HIBADH: variants seen among roughly 807,000 people sequenced by gnomAD.
HIBADH encodes 3-hydroxyisobutyrate dehydrogenase, mitochondrial.
Under a neutral mutation model 36.1 loss-of-function variants are expected in HIBADH, and 25 were observed. That is an observed-to-expected ratio of 0.69 (90% CI 0.50 to 0.97). The LOEUF (loss-of-function observed/expected upper bound fraction) is 0.97. HIBADH is among the 50% of genes least tolerant of loss of function. HIBADH has a pLI of 0.00. For synonymous variants in HIBADH, 160 were observed against 149.5 expected, an observed-to-expected ratio of 1.07 and a Z score of -0.51; for missense variants, 421 against 418.0, an observed-to-expected ratio of 1.01 and a Z score of -0.06.
chr7:27,654,618 AT>A (rs1311162470), intron 1 of HIBADH, among the ~76,000 whole-genome samples: 1 of 152,158 alleles, frequency 6.6e-6, no homozygotes, highest in Non-Finnish European at 1.5e-5. Flanking sequence ...ACCAAGAAAA[AT>A]ATACAAATAT....
chr7:27,604,010 G>A (rs1209331939), intron 4 of HIBADH, among the ~76,000 whole-genome samples: 1 of 152,034 alleles, frequency 6.6e-6, no homozygotes, highest in South Asian at 2.1e-4. Flanking sequence ...TGGTATTTCA[G>A]TACATCGCCC....
At chr7:27,572,974 C>T (rs1230048922) in intron 4 of HIBADH, among the ~76,000 whole-genome samples, 4 of 151,994 alleles carry the variant, frequency 2.6e-5, no homozygotes, top group Non-Finnish European at 5.9e-5. Flanking sequence ...GTAAAAGAAG[C>T]TTCACTAAAA....
intron 3 of HIBADH, among the ~76,000 whole-genome samples, chr7:27,630,316 A>G (rs117207186): frequency 0.013 from 1,971 of 152,204 alleles, 31 homozygotes; most frequent in Non-Finnish European, 0.02. Context: ...TTTAAATTTT[A>G]TATTTACAGA....
intron 4 of HIBADH, among the ~76,000 whole-genome samples, chr7:27,550,999 C>CACACAT (rs3072850): frequency 6.6e-6 from 1 of 152,136 alleles, no homozygotes; most frequent in Non-Finnish European, 1.5e-5. Flanking sequence ...ACACCAAACA[C>CACACAT]ACACATACAC....
intron 4 of HIBADH, among the ~76,000 whole-genome samples, chr7:27,570,448 T>C (rs1338244233): frequency 6.6e-6 from 1 of 152,176 alleles, no homozygotes; most frequent in Non-Finnish European, 1.5e-5. Context: ...ATGTACATGA[T>C]ATTTACATGA....
At chr7:27,596,990 T>C (rs1785044068) in intron 4 of HIBADH, among the ~76,000 whole-genome samples, 1 of 152,128 alleles carries the variant, frequency 6.6e-6, no homozygotes, top group African/African-American at 2.4e-5. Context: ...TATGCATATA[T>C]ATGCAATAAA....
intron 4 of HIBADH, among the ~76,000 whole-genome samples, chr7:27,554,120 G>T (rs1330570129): frequency 1.3e-5 from 2 of 152,164 alleles, no homozygotes; most frequent in African/African-American, 4.8e-5. Context: ...TGAGTAGCTG[G>T]GATTACAGGC....
intron 5 of HIBADH, among the ~76,000 whole-genome samples, chr7:27,539,656 T>A: frequency 6.6e-6 from 1 of 152,290 alleles, no homozygotes; most frequent in East Asian, 1.9e-4. Flanking sequence ...GCAAGTACAG[T>A]TGACCCTTGA....
At chr7:27,571,641 C>T (rs954771191) in intron 4 of HIBADH, among the ~76,000 whole-genome samples, 1 of 152,062 alleles carries the variant, frequency 6.6e-6, no homozygotes, top group Non-Finnish European at 1.5e-5. Context: ...TGTCTGGTGA[C>T]CTGTCTCCCT....
intron 5 of HIBADH, among the ~76,000 whole-genome samples, chr7:27,539,266 G>A (rs1228241228): frequency 6.6e-6 from 1 of 152,120 alleles, no homozygotes; most frequent in Admixed American, 6.6e-5. Context: ...CTAGGTGTGA[G>A]ACACTGAAAG....
chr7:27,538,927 C>T (rs1255673870), intron 5 of HIBADH, among the ~76,000 whole-genome samples: 2 of 151,872 alleles, frequency 1.3e-5, no homozygotes, highest in African/African-American at 2.4e-5. Context: ...GAAGGAGATC[C>T]GGGGCGAAGG....
intron 1 of HIBADH, among the ~76,000 whole-genome samples, chr7:27,654,261 A>G (rs1227678637): frequency 6.6e-6 from 1 of 152,190 alleles, no homozygotes; most frequent in South Asian, 2.1e-4. Context: ...AACCACCCAA[A>G]CACATATGTA....
chr7:27,546,116 T>C (rs374480292), intron 4 of HIBADH, among the ~76,000 whole-genome samples: 1 of 152,152 alleles, frequency 6.6e-6, no homozygotes, highest in Non-Finnish European at 1.5e-5. Context: ...TATTTATTTA[T>C]TTATTTTTTG....
At chr7:27,528,169 C>T (rs1007195467) in intron 7 of HIBADH, among the ~76,000 whole-genome samples, 1 of 151,894 alleles carries the variant, frequency 6.6e-6, no homozygotes, top group African/African-American at 2.4e-5. Flanking sequence ...GTTCTGACTG[C>T]CCAGCCACTG....
chr7:27,631,520 C>CAAAATA (rs770526996), intron 3 of HIBADH, among the ~76,000 whole-genome samples: 4 of 151,896 alleles, frequency 2.6e-5, no homozygotes, highest in Non-Finnish European at 4.4e-5. Flanking sequence ...AATTCAACAA[C>CAAAATA]AAAATAAGTT....
At chr7:27,532,001 A>G (rs1384216880) in intron 6 of HIBADH, among the ~76,000 whole-genome samples, 4 of 152,156 alleles carry the variant, frequency 2.6e-5, no homozygotes, top group Admixed American at 6.5e-5. Context: ...GACATATGCT[A>G]TCTATTCAGA....
rs568284911 is a variant in HIBADH, at chr7:27,644,261, C to G, written c.252+5212G>C. 1.2e-4 allele frequency among the ~76,000 whole-genome samples: 18 copies of G among 151,902 alleles called. 1 individual carries two copies. The highest frequency in any genetic ancestry group is 4.3e-4 in the African/African-American group (18 of 41,436). On this transcript the variant is annotated intron_variant, in intron 2 of 7. Transcript: ENST00000265395. ...TGGGCAGATCACGAGGTCAAGAGATCGAGACCATCCTGGCCAACATGGTGA... is the reference window on the plus strand; with the variant it reads ...TGGGCAGATCACGAGGTCAAGAGATGGAGACCATCCTGGCCAACATGGTGA...
chr7:27,661,746 C>A (rs1475750810), intron 1 of HIBADH, among the ~76,000 whole-genome samples: 1 of 148,680 alleles, frequency 6.7e-6, no homozygotes, highest in Non-Finnish European at 1.5e-5. Flanking sequence ...TTACAACTCT[C>A]AAACTTTCAG....
intron 4 of HIBADH, among the ~76,000 whole-genome samples, chr7:27,588,953 CCA>C (rs527479345): frequency 6.6e-6 from 1 of 152,088 alleles, no homozygotes; most frequent in African/African-American, 2.4e-5. Context: ...AGAGACCCGA[CCA>C]CAGTTTTTTT....
Sources: gnomAD v4.1 joint callset for allele counts (sites outside exome capture counted in the v4.1 genomes callset) on GRCh38, gnomAD v4.1.1 for gene constraint, MANE v1.5 for transcripts, NCBI Gene and HGNC (gene_info 2026-07-23, HGNC 2026-07-21) for gene names.